NCMAP: variants seen among roughly 807,000 people sequenced by gnomAD.
NCMAP encodes the protein non-compact myelin associated protein.
A neutral mutation model predicts 7.8 loss-of-function variants in NCMAP; 8 were observed. That is an observed-to-expected ratio of 1.02 (90% CI 0.60 to 1.84). The LOEUF is 1.84. Ranked by LOEUF, NCMAP falls within the 40% of genes most tolerant of loss-of-function variation. The probability of loss-of-function intolerance (pLI) is 0.00; values close to 1 mark genes in which losing one functional copy is unlikely to be tolerated. For synonymous variants in NCMAP, 41 were observed against 52.9 expected, an observed-to-expected ratio of 0.78 and a Z score of 0.98; for missense variants, 112 against 131.4, an observed-to-expected ratio of 0.85 and a Z score of 0.72.
At chr1:24,568,980 T>A (rs1341418257) in intron 1 of NCMAP, among the ~76,000 whole-genome samples, 1 of 151,988 alleles carries the variant, frequency 6.6e-6, no homozygotes, top group African/African-American at 2.4e-5. Flanking sequence ...GTGGAGGAAG[T>A]TCTTCCACAG....
chr1:24,596,287 T>G (rs1652222306), intron 2 of NCMAP, among the ~76,000 whole-genome samples: 1 of 151,262 alleles, frequency 6.6e-6, no homozygotes, highest in East Asian at 2.0e-4. Flanking sequence ...AAAAAAATAT[T>G]ACTACTACTA....
intron 1 of NCMAP, among the ~76,000 whole-genome samples, chr1:24,567,026 C>G (rs1229957762): frequency 1.3e-5 from 2 of 152,138 alleles, no homozygotes; most frequent in Non-Finnish European, 2.9e-5. Context: ...TCCCTTGAGT[C>G]TGCACAGAGC....
intron 1 of NCMAP, among the ~76,000 whole-genome samples, chr1:24,567,948 T>C (rs1375119300): frequency 1.3e-5 from 2 of 152,106 alleles, no homozygotes; most frequent in Non-Finnish European, 2.9e-5. Flanking sequence ...GGCTTGATTC[T>C]ACCCATAGAG....
rs1408604863 is a variant in NCMAP at position 24,577,403 on chromosome 1, T to TTTTTTTTG, written c.-7-18014_-7-18013insGTTTTTTT. On this transcript the variant is annotated intron_variant, in intron 1 of 3. Transcript: ENST00000374392. The stretch of plus-strand genomic sequence containing the variant: ...GTTTCTAAGAAGGCACTGGCCTTGT[T>TTTTTTTTG]TTTTTTTTTTTTTTTTTTTTTTTTT... Among the ~76,000 whole-genome samples the TTTTTTTTG allele has an allele frequency of 4.5e-3, 422 of 92,968 alleles. 30 individuals are homozygous for TTTTTTTTG. The highest frequency in any genetic ancestry group is 0.016 in the African/African-American group (380 of 24,092). The allele number at this position is 92,968 out of a possible 152,430, so 61.0% of individuals were successfully genotyped here.
At chr1:24,604,314 C>T (rs1303396327) in intron 3 of NCMAP, among the ~76,000 whole-genome samples, 1 of 151,850 alleles carries the variant, frequency 6.6e-6, no homozygotes, top group East Asian at 1.9e-4. Context: ...GTGGCTCACG[C>T]CTATAATCCC....
At chr1:24,599,491 C>G (rs1043309335) in intron 2 of NCMAP, among the ~76,000 whole-genome samples, 2 of 151,976 alleles carry the variant, frequency 1.3e-5, no homozygotes, top group Non-Finnish European at 1.5e-5. Flanking sequence ...TACTATGCAG[C>G]CATGGAAAGT....
At chr1:24,558,822 G>A (rs892391167) in intron 1 of NCMAP, among the ~76,000 whole-genome samples, 1 of 152,082 alleles carries the variant, frequency 6.6e-6, no homozygotes, top group African/African-American at 2.4e-5. Flanking sequence ...CTCAGTAAGC[G>A]GTGGCGTTCT....
In NCMAP at chr1:24,576,999, G is replaced by A. The variant is rs572677574; in HGVS notation, c.-7-18425G>A. Among the ~76,000 whole-genome samples the A allele has an allele frequency of 1.1e-3, 171 of 152,142 alleles. No individual in the cohort carries two copies. The highest frequency in any genetic ancestry group is 4.0e-3 in the African/African-American group (165 of 41,522). ...ACACACACAAAAAAATTAGCTGGGC[G>A]TGGTGGTGCATGCCTGTGATCCCAG... On this transcript the variant is annotated intron_variant, in intron 1 of 3. Coordinates refer to ENST00000374392, the MANE Select transcript of NCMAP (RefSeq NM_001010980.5). The surrounding 1 kb of genome is among the most constrained non-coding windows in gnomAD (Gnocchi z 4.0).
At position 24,605,732 on chromosome 1, in the gene NCMAP, G is replaced by C. The variant is rs62623442; in HGVS notation, c.294G>C (p.Gln98His). ...ATVTFSPVDV[Q>H]VETR ...TGACCTTCAGTCCTGTTGACGTCCA[G>C]GTGGAGACGCGATGACCTCTACCCT... is the stretch of plus-strand genomic sequence containing the variant. The change falls in exon 4 of 4, where the codon CAG becomes CAC. Residue 98 changes from glutamine (Q) to histidine (H), a missense_variant. Gln to His is a conservative substitution (Grantham distance 24). Transcript: ENST00000374392. 0.01 allele frequency: 16,533 copies of C among 1,614,064 alleles called. 1,469 individuals are homozygous for C. The African/African-American group carries it at 0.19, about 19-fold the overall frequency.
intron 1 of NCMAP, among the ~76,000 whole-genome samples, chr1:24,572,483 T>A (rs1358696908): frequency 6.6e-6 from 1 of 150,524 alleles, no homozygotes; most frequent in African/African-American, 2.5e-5. Flanking sequence ...CAGATATGGT[T>A]CTGGGCAGCT....
At chr1:24,585,742 G>A (rs986367254) in intron 1 of NCMAP, among the ~76,000 whole-genome samples, 6 of 152,064 alleles carry the variant, frequency 3.9e-5, no homozygotes, top group Non-Finnish European at 7.4e-5. Flanking sequence ...GTGTCCCACC[G>A]GTCCCATCAG....
intron 2 of NCMAP, among the ~76,000 whole-genome samples, chr1:24,597,338 T>C (rs916256450): frequency 9.2e-5 from 14 of 151,432 alleles, no homozygotes; most frequent in African/African-American, 3.2e-4. Flanking sequence ...CCATCTCTAC[T>C]ACTAAAAATA....
intron 2 of NCMAP, among the ~76,000 whole-genome samples, chr1:24,597,615 AAG>A (rs60751058): frequency 0.044 from 3,030 of 68,928 alleles, 249 homozygotes; most frequent in African/African-American, 0.18. Flanking sequence ...GAAAGAAAGA[AAG>A]AGAAAGAAAG....
intron 2 of NCMAP, among the ~76,000 whole-genome samples, chr1:24,598,371 G>A (rs991903523): frequency 2.6e-5 from 4 of 152,062 alleles, no homozygotes; most frequent in African/African-American, 7.2e-5. Context: ...CCTAGAGGTC[G>A]TGGTTCCCCT....
intron 1 of NCMAP, among the ~76,000 whole-genome samples, chr1:24,567,412 A>G (rs1302881484): frequency 4.6e-5 from 7 of 152,182 alleles, no homozygotes; most frequent in African/African-American, 1.7e-4. Flanking sequence ...GGCTTTGGGC[A>G]GGTCTTGGAG....
At chr1:24,571,660 A>G (rs1422877194) in intron 1 of NCMAP, among the ~76,000 whole-genome samples, 1 of 149,300 alleles carries the variant, frequency 6.7e-6, no homozygotes, top group Non-Finnish European at 1.5e-5. Flanking sequence ...ATCTCGGCTC[A>G]CTGCAACCTC....
At chr1:24,572,727 G>T (rs1651426125) in intron 1 of NCMAP, among the ~76,000 whole-genome samples, 1 of 150,510 alleles carries the variant, frequency 6.6e-6, no homozygotes, top group Admixed American at 6.6e-5. Context: ...GCTCATGTTT[G>T]CATTTCCTGG....
intron 1 of NCMAP, among the ~76,000 whole-genome samples, chr1:24,591,548 A>T (rs1028666730): frequency 6.6e-6 from 1 of 152,234 alleles, no homozygotes; most frequent in Non-Finnish European, 1.5e-5. Context: ...GATTACAGGC[A>T]TGAGTCACCG....
chr1:24,597,529 GGA>G (rs1652271445), intron 2 of NCMAP, among the ~76,000 whole-genome samples: 1 of 72,702 alleles, frequency 1.4e-5, no homozygotes, highest in Non-Finnish European at 2.7e-5. Flanking sequence ...AGGGGGGGGG[GGA>G]GGGGGAGGGG....
Sources: allele counts gnomAD v4.1 joint callset (sites outside exome capture counted in the v4.1 genomes callset), GRCh38; gene constraint gnomAD v4.1.1; non-coding constraint Gnocchi (gnomAD v3.1); transcripts MANE v1.5; gene names NCBI Gene and HGNC (gene_info 2026-07-23, HGNC 2026-07-21).